LRRC7: variants seen among roughly 807,000 people sequenced by gnomAD.
LRRC7 encodes the protein leucine rich repeat containing 7.
Under a neutral mutation model 175.7 loss-of-function variants are expected in LRRC7, and 23 were observed. The ratio of observed to expected loss-of-function variants is 0.13; its 90% CI spans 0.09 to 0.19. The LOEUF is 0.19. LRRC7 is among the 10% of genes least tolerant of loss of function. The pLI is 1.00. For missense variants in LRRC7, 1,354 were observed against 1,904.7 expected, an observed-to-expected ratio of 0.71 and a Z score of 5.38; for synonymous variants, 685 against 680.9, an observed-to-expected ratio of 1.01 and a Z score of -0.09.
chr1:70,143,967 G>GTGAA lies in LRRC7; in HGVS notation c.*22083_*22086dup, dbSNP rs1431293123. The GTGAA allele has an allele frequency of 2.6e-5, 4 of 152,094 alleles. No individual in the cohort carries two copies. The highest frequency in any genetic ancestry group is 4.8e-5 in the African/African-American group (2 of 41,424). The allele number at this position is 152,094 out of a possible 1,614,324, so 9.4% of individuals were successfully genotyped here. On this transcript the variant is annotated 3_prime_UTR_variant, in exon 27 of 27. Transcript: ENST00000651989. Reference sequence around the variant, plus strand: ...ATTTACTACTTTATTAACATAGATCGTGAATGTACTTACTGGTTTTTTTGC... The same window carrying GTGAA: ...ATTTACTACTTTATTAACATAGATCGTGAATGAATGTACTTACTGGTTTTTTTGC...
intron 22 of LRRC7, among the ~76,000 whole-genome samples, chr1:70,051,521 C>T (rs1258502400): frequency 6.6e-6 from 1 of 151,946 alleles, no homozygotes; most frequent in Non-Finnish European, 1.5e-5. Flanking sequence ...TGCTGGAAAA[C>T]AGACAGTCGT....
chr1:69,571,663 G>T (rs1557652671), intron 1 of LRRC7, among the ~76,000 whole-genome samples: 1 of 151,972 alleles, frequency 6.6e-6, no homozygotes. Context: ...TTGATGTTAG[G>T]TTTTAATTGA....
At position 69,981,012 on chromosome 1, in the gene LRRC7, C is replaced by A. The variant is rs1332228948; in HGVS notation, c.786+559C>A. 3.3e-5 allele frequency among the ~76,000 whole-genome samples: 5 copies of A among 152,244 alleles called. No homozygotes were observed. In the East Asian group the frequency reaches 5.8e-4, roughly 18 times the overall value. On this transcript the variant is annotated intron_variant, in intron 9 of 26. Transcript: ENST00000651989. The stretch of plus-strand genomic sequence containing the variant: ...CTAAAGTCCAGCCCAGTACTATCTC[C>A]TGAGTATAAGTTTACCAGTCAACTC...
chr1:69,807,720 G>C (rs1053062621), intron 4 of LRRC7, among the ~76,000 whole-genome samples: 1 of 152,014 alleles, frequency 6.6e-6, no homozygotes. Flanking sequence ...CTCTCTGGCT[G>C]CCCTTAACAT....
intron 7 of LRRC7, among the ~76,000 whole-genome samples, chr1:69,852,805 T>C (rs185788218): frequency 1.3e-5 from 2 of 152,286 alleles, no homozygotes; most frequent in Admixed American, 1.3e-4. Context: ...TTAGATGGAA[T>C]GAATTTCCAT....
intron 2 of LRRC7, among the ~76,000 whole-genome samples, chr1:69,715,314 A>T (rs1029647824): frequency 2.6e-5 from 4 of 152,196 alleles, no homozygotes; most frequent in African/African-American, 9.6e-5. Context: ...TTTAATGATT[A>T]TATAGAGAGT....
Position 69,730,701 on chromosome 1 carries a change from G to A in LRRC7, c.101-29490G>A, listed in dbSNP as rs189301118. On this transcript the variant is annotated intron_variant, in intron 2 of 26. Coordinates refer to ENST00000651989, the MANE Select transcript of LRRC7 (RefSeq NM_001370785.2). ...CACATTTTCCTATCTTCTTCTGAAC[G>A]CTTCCAACTGTCCCAACCTCTGCCT... is the stretch of plus-strand genomic sequence containing the variant. Among the ~76,000 whole-genome samples the A allele has an allele frequency of 4.1e-3, 628 of 152,142 alleles. 7 individuals carry two copies. The highest frequency in any genetic ancestry group is 9.4e-3 in the Admixed American group (143 of 15,278).
At chr1:69,771,017 C>T (rs1672181899) in intron 3 of LRRC7, among the ~76,000 whole-genome samples, 1 of 152,096 alleles carries the variant, frequency 6.6e-6, no homozygotes, top group South Asian at 2.1e-4. Context: ...CCCCCAGCGC[C>T]AAATGTATAC....
At chr1:69,873,057 A>G (rs968262976) in intron 7 of LRRC7, among the ~76,000 whole-genome samples, 1 of 152,170 alleles carries the variant, frequency 6.6e-6, no homozygotes, top group Non-Finnish European at 1.5e-5. Context: ...ATTATGCCTT[A>G]AACAGTATGC....
At chr1:70,111,000 G>A (rs925316695) in intron 26 of LRRC7, among the ~76,000 whole-genome samples, 22 of 152,026 alleles carry the variant, frequency 1.4e-4, no homozygotes, top group African/African-American at 5.3e-4. Flanking sequence ...TCAATGGAGC[G>A]AATTTATTTA....
At chr1:69,821,970 T>G (rs969665584) in intron 4 of LRRC7, among the ~76,000 whole-genome samples, 1 of 152,114 alleles carries the variant, frequency 6.6e-6, no homozygotes, top group Non-Finnish European at 1.5e-5. Flanking sequence ...AGTCTTGTAT[T>G]GTTGTCTTTG....
intron 2 of LRRC7, among the ~76,000 whole-genome samples, chr1:69,721,092 G>T (rs1384554076): frequency 1.3e-5 from 2 of 151,616 alleles, no homozygotes; most frequent in African/African-American, 2.4e-5. Context: ...TAGATTAATT[G>T]CAAAACTTGA....
At chr1:69,994,727 A>G (rs1654766282) in intron 11 of LRRC7, 94 bp downstream of exon 11, 2 of 770,280 alleles carry the variant, frequency 2.6e-6, no homozygotes, top group South Asian at 3.3e-5. Flanking sequence ...TCTACTAAAG[A>G]TACCAATAAT....
chr1:69,996,319 G>C (rs913780710), intron 11 of LRRC7, among the ~76,000 whole-genome samples: 1 of 152,252 alleles, frequency 6.6e-6, no homozygotes. Flanking sequence ...TGTCAGATGA[G>C]TAGGTTGCGA....
intron 4 of LRRC7, among the ~76,000 whole-genome samples, chr1:69,798,600 G>T (rs1445819986): frequency 6.6e-6 from 1 of 152,072 alleles, no homozygotes; most frequent in Non-Finnish European, 1.5e-5. Context: ...ACCCATCATG[G>T]AAATTAAAGT....
chr1:70,046,053 T>C (rs1293316872), intron 22 of LRRC7, among the ~76,000 whole-genome samples: 1 of 152,078 alleles, frequency 6.6e-6, no homozygotes, highest in Non-Finnish European at 1.5e-5. Flanking sequence ...AGTGAACAAA[T>C]TAAAGAGATC....
intron 7 of LRRC7, among the ~76,000 whole-genome samples, chr1:69,871,472 T>C (rs1344346752): frequency 2.0e-5 from 3 of 152,088 alleles, no homozygotes; most frequent in Admixed American, 2.0e-4. Flanking sequence ...TGCATAATTA[T>C]ATTCAGTTTG....
chr1:69,740,629 C>T (rs1430804693), intron 2 of LRRC7, among the ~76,000 whole-genome samples: 1 of 152,054 alleles, frequency 6.6e-6, no homozygotes, highest in African/African-American at 2.4e-5. Flanking sequence ...TTGATTACAG[C>T]TCTGCGTTTG....
Position 69,611,028 on chromosome 1 carries a change from G to A in LRRC7, c.2+42387G>A, listed in dbSNP as rs565307461. Among the ~76,000 whole-genome samples, 5 of 151,856 alleles carry A rather than the reference G, an allele frequency of 3.3e-5. No homozygotes were observed. In the South Asian group the frequency reaches 6.2e-4, roughly 19 times the overall value. Reference sequence around the variant, plus strand: ...AAATATACATAGTATTTGCTAAATTGAATTCAACAAAAGGCAAGTAAACAC... The same window carrying A: ...AAATATACATAGTATTTGCTAAATTAAATTCAACAAAAGGCAAGTAAACAC... On this transcript the variant is annotated intron_variant, in intron 1 of 26. Transcript: ENST00000651989.
Sources: allele counts gnomAD v4.1 joint callset (sites outside exome capture counted in the v4.1 genomes callset), GRCh38; gene constraint gnomAD v4.1.1; transcripts MANE v1.5; gene names NCBI Gene and HGNC (gene_info 2026-07-23, HGNC 2026-07-21).